The following DLG5 variants were observed in gnomAD, a reference collection of about 807,000 sequenced individuals.
DLG5 encodes discs large MAGUK scaffold protein 5.
A neutral mutation model predicts 189.8 loss-of-function variants in DLG5; 48 were observed. That is an observed-to-expected ratio of 0.25 (90% CI 0.20 to 0.32). DLG5 has a LOEUF of 0.32. Among genes scored for constraint, DLG5 ranks in the 10% least tolerant of loss-of-function variants. The pLI is 1.00. For missense variants in DLG5, 2,160 were observed against 2,544.7 expected (o/e 0.85, Z 3.25); for synonymous variants, 1,016 against 1,054.1 (o/e 0.96, Z 0.70).
At chr10:77,840,722 A>G (rs1452194210) in intron 7 of DLG5, among the ~76,000 whole-genome samples, 1 of 152,190 alleles carries the variant, frequency 6.6e-6, no homozygotes, top group African/African-American at 2.4e-5. Context: ...TCTCATAAAA[A>G]AAAAGAAAGA....
chr10:77,865,889 G>C (rs953447567), intron 2 of DLG5, among the ~76,000 whole-genome samples: 2 of 152,180 alleles, frequency 1.3e-5, no homozygotes, highest in Admixed American at 6.5e-5. Flanking sequence ...CAGACCGCCT[G>C]AGAGAACGCT....
rs758967585 is a variant in DLG5, at chr10:77,806,738, C to T, written c.4967+20G>A. ...CGGCGACCCCTGCCCCACCCCACCC[C>T]AGGCCCGGAGAACACTTACACATAT... is the stretch of plus-strand genomic sequence containing the variant. On this transcript the variant is annotated intron_variant, in intron 26 of 31. Transcript: ENST00000372391. 6.4e-7 allele frequency: 1 copy of T among 1,574,714 alleles called. No homozygotes were observed.
chr10:77,795,629 G>A (rs1041778840), intron 29 of DLG5, among the ~76,000 whole-genome samples: 9 of 152,104 alleles, frequency 5.9e-5, no homozygotes, highest in Non-Finnish European at 1.3e-4. Flanking sequence ...TAGGATGTTC[G>A]AAGGCACCGA....
Position 77,808,010 on chromosome 10 carries a change from G to A in DLG5, c.4648-66C>T, listed in dbSNP as rs570593780. ...AGGGGGCAGCTTGGGCACCCGAGAG[G>A]GGCCAGTGCTGACCATACGGCAGAA... On this transcript the variant is annotated intron_variant, in intron 24 of 31. Coordinates refer to ENST00000372391, the MANE Select transcript of DLG5 (RefSeq NM_004747.4). 54 of 1,592,040 alleles carry A rather than the reference G, an allele frequency of 3.4e-5. No individual in the cohort carries two copies. The South Asian group carries it at 5.5e-4, about 16-fold the overall frequency.
chr10:77,820,810 G>GT lies in DLG5; in HGVS notation c.3402+271dup, dbSNP rs1327293321. The GT allele has an allele frequency of 6.1e-6, 3 of 491,098 alleles. No individual in the cohort carries two copies. The East Asian group carries it at 9.5e-5, about 16-fold the overall frequency. 30.4% of individuals were successfully genotyped at this position (491,098 alleles called of 1,614,324 possible). A position where few individuals can be genotyped will look rare whatever the true frequency, so the allele number is the denominator to read the frequency against. ...AAGTCTATGCCCTAGGTTTTATTGT[G>GT]TAAGTTCAAAAGCTTCTTATTAAAA... On this transcript the variant is annotated intron_variant, in intron 15 of 31. Coordinates refer to ENST00000372391, the MANE Select transcript of DLG5 (RefSeq NM_004747.4).
rs1309266604 is a variant in DLG5 at position 77,834,770 on chromosome 10, C to T, written c.1623-731G>A. ...CTGGCTGAGGACTGCCCCCTGGAGA[C>T]ACCCGTGGAAGGGGTCTGAGCAGAA... On this transcript the variant is annotated intron_variant, in intron 8 of 31. Coordinates refer to ENST00000372391, the MANE Select transcript of DLG5 (RefSeq NM_004747.4). Among the ~76,000 whole-genome samples, 3 of 152,236 alleles carry T rather than the reference C, an allele frequency of 2.0e-5. No individual in the cohort carries two copies. The East Asian group carries it at 5.8e-4, about 29-fold the overall frequency.
intron 9 of DLG5, among the ~76,000 whole-genome samples, chr10:77,832,890 C>A (rs1328063393): frequency 1.3e-5 from 2 of 152,164 alleles, no homozygotes; most frequent in Non-Finnish European, 2.9e-5. Context: ...TTCCTGAGAG[C>A]ACCCAAGCTC....
At chr10:77,812,185 G>A in intron 21 of DLG5, 30 bp downstream of exon 21, 1 of 1,604,064 alleles carries the variant, frequency 6.2e-7, no homozygotes, top group Non-Finnish European at 8.5e-7. Context: ...GTTTCCATGG[G>A]CGCCATGCAG....
chr10:77,866,345 G>A (rs541537226), intron 2 of DLG5, among the ~76,000 whole-genome samples: 1 of 152,294 alleles, frequency 6.6e-6, no homozygotes, highest in Non-Finnish European at 1.5e-5. Context: ...AGCAGGGGTG[G>A]GAGGAGGCTC....
chr10:77,940,672 G>A, the DLG5 span, among the ~76,000 whole-genome samples: 1 of 152,102 alleles, frequency 6.6e-6, no homozygotes, highest in South Asian at 2.1e-4. Flanking sequence ...TGACTTACCC[G>A]AGGTCCTCTC....
intron 27 of DLG5, among the ~76,000 whole-genome samples, chr10:77,801,706 CATG>C (rs776857785): frequency 1.3e-5 from 2 of 152,216 alleles, no homozygotes; most frequent in South Asian, 2.1e-4. Flanking sequence ...CCTACCCACT[CATG>C]GTGGTGGACG....
chr10:77,808,050 C>T lies in DLG5; in HGVS notation c.4648-106G>A, dbSNP rs114894805. 2.9e-3 allele frequency: 3,980 copies of T among 1,358,158 alleles called. 88 individuals carry two copies. The African/African-American group carries it at 0.052, about 18-fold the overall frequency. The allele number at this position is 1,358,158 out of a possible 1,614,324, so 84.1% of individuals were successfully genotyped here. ...ATACGGCAGAAATTCAACATCCCTC[C>T]TTAACTGAGACTCTGGCTACCTCCC... On this transcript the variant is annotated intron_variant, in intron 24 of 31. Transcript: ENST00000372391.
chr10:77,829,771 G>C (rs1464128502), intron 11 of DLG5, among the ~76,000 whole-genome samples: 1 of 152,240 alleles, frequency 6.6e-6, no homozygotes, highest in Non-Finnish European at 1.5e-5. Context: ...CCAGGCCTCA[G>C]CGTCTTCATA....
chr10:77,844,434 A>G (rs1370563858), intron 5 of DLG5, among the ~76,000 whole-genome samples: 1 of 152,246 alleles, frequency 6.6e-6, no homozygotes, highest in African/African-American at 2.4e-5. Flanking sequence ...GTATAATTAC[A>G]TACTGAATCT....
intron 17 of DLG5, 55 bp from the exon 18 acceptor site, chr10:77,817,944 C>A: frequency 1.4e-6 from 2 of 1,415,078 alleles, no homozygotes; most frequent in Admixed American, 2.0e-5. Context: ...ACAGATGTGG[C>A]CACTGGGGAG....
At chr10:77,802,773 A>C (rs1034060476) in intron 27 of DLG5, among the ~76,000 whole-genome samples, 1 of 152,110 alleles carries the variant, frequency 6.6e-6, no homozygotes, top group African/African-American at 2.4e-5. Context: ...GGTGACAGGC[A>C]CCTGTAATCC....
chr10:77,846,538 A>C (rs1219741371), intron 5 of DLG5, among the ~76,000 whole-genome samples: 1 of 148,814 alleles, frequency 6.7e-6, no homozygotes, highest in East Asian at 2.1e-4. Flanking sequence ...CTCTACTAAA[A>C]ATACAAAAAT....
intron 1 of DLG5, among the ~76,000 whole-genome samples, chr10:77,922,461 G>A (rs1271495850): frequency 6.6e-6 from 1 of 152,194 alleles, no homozygotes. Context: ...GGGCAAAGGT[G>A]TTCGCTTGTT....
At chr10:77,833,144 C>T (rs979495037) in intron 9 of DLG5, among the ~76,000 whole-genome samples, 2 of 152,132 alleles carry the variant, frequency 1.3e-5, no homozygotes, top group African/African-American at 4.8e-5. Flanking sequence ...TAGACCACGG[C>T]CTATTGGGCT....
Sources: allele counts gnomAD v4.1 joint callset (sites outside exome capture counted in the v4.1 genomes callset), GRCh38; gene constraint gnomAD v4.1.1; transcripts MANE v1.5; gene names NCBI Gene and HGNC (gene_info 2026-07-23, HGNC 2026-07-21).